The following PCSK5 variants were observed in gnomAD, a reference collection of about 807,000 sequenced individuals.
PCSK5 encodes proprotein convertase subtilisin/kexin type 5, also known as prohormone convertase 5.
PCSK5 carries 129 observed loss-of-function variants against 233.2 expected under a neutral mutation model. The ratio of observed to expected loss-of-function variants is 0.55; its 90% confidence interval spans 0.48 to 0.64. The LOEUF (loss-of-function observed/expected upper bound fraction) is 0.64, where lower values mean the gene tolerates loss of function less well. Among genes scored for constraint, PCSK5 ranks in the 30% least tolerant of loss-of-function variants. PCSK5 has a pLI of 0.00. For missense variants in PCSK5, 2,076 were observed against 2,430.1 expected (o/e 0.85, Z 3.06); for synonymous variants, 825 against 879.2 (o/e 0.94, Z 1.09).
chr9:76,040,857 CAT>C (rs1446981512), intron 5 of PCSK5, among the ~76,000 whole-genome samples: 5 of 152,126 alleles, frequency 3.3e-5, no homozygotes, highest in African/African-American at 1.2e-4. Context: ...CTAGTAGAAA[CAT>C]AGCAGTGTTT....
At chr9:76,157,832 TGA>T (rs1401342447) in intron 11 of PCSK5, among the ~76,000 whole-genome samples, 2 of 152,320 alleles carry the variant, frequency 1.3e-5, no homozygotes, top group East Asian at 1.9e-4. Flanking sequence ...TGGCAAAGAA[TGA>T]GAGAGAAAAA....
intron 1 of PCSK5, among the ~76,000 whole-genome samples, chr9:75,905,714 G>T: frequency 6.6e-6 from 1 of 152,196 alleles, no homozygotes; most frequent in East Asian, 1.9e-4. Context: ...GATCAGTGGG[G>T]CCGGTAGACT....
chr9:76,048,351 A>G (rs1829497192), intron 5 of PCSK5, among the ~76,000 whole-genome samples: 1 of 152,164 alleles, frequency 6.6e-6, no homozygotes, highest in African/African-American at 2.4e-5. Flanking sequence ...CTCACTTAGG[A>G]AACCTAATAA....
At chr9:76,287,211 C>T (rs73464506) in intron 24 of PCSK5, 2 of 217,242 alleles carry the variant, frequency 9.2e-6, no homozygotes, top group African/African-American at 4.6e-5. Flanking sequence ...GACCTGTAGG[C>T]TTCTCATGTC....
At chr9:76,060,662 C>T (rs1205206139) in intron 5 of PCSK5, among the ~76,000 whole-genome samples, 4 of 152,078 alleles carry the variant, frequency 2.6e-5, no homozygotes, top group Non-Finnish European at 5.9e-5. Flanking sequence ...TCATAAGAAG[C>T]TTGTACATGG....
chr9:75,960,627 A>G (rs371185700), intron 2 of PCSK5, among the ~76,000 whole-genome samples: 3 of 152,358 alleles, frequency 2.0e-5, no homozygotes, highest in East Asian at 3.9e-4. Flanking sequence ...CACTTTTTCT[A>G]TATCACAGGG....
At chr9:75,925,123 GAAGAAATCATT>G (rs1823426157) in intron 1 of PCSK5, among the ~76,000 whole-genome samples, 1 of 152,144 alleles carries the variant, frequency 6.6e-6, no homozygotes, top group Non-Finnish European at 1.5e-5. Flanking sequence ...TCAGTGATTT[GAAGAAATCATT>G]AACTGTGATG....
intron 29 of PCSK5, 50 bp downstream of exon 29, chr9:76,308,778 A>G: frequency 1.7e-6 from 2 of 1,177,978 alleles, no homozygotes; most frequent in Non-Finnish European, 2.5e-6. Context: ...CAAGTCATTG[A>G]AACTCATGTG....
intron 5 of PCSK5, among the ~76,000 whole-genome samples, 200 bp from the exon 6 acceptor site, chr9:76,067,755 A>G (rs1830335878): frequency 6.6e-6 from 1 of 152,234 alleles, no homozygotes; most frequent in Non-Finnish European, 1.5e-5. Flanking sequence ...TGAAAAATAA[A>G]TATGTCAAGA....
intron 14 of PCSK5, among the ~76,000 whole-genome samples, chr9:76,177,872 A>T (rs1479607471): frequency 6.6e-6 from 1 of 152,190 alleles, no homozygotes; most frequent in African/African-American, 2.4e-5. Flanking sequence ...GTTTAAGATG[A>T]TAAAAGAAAC....
At chr9:76,122,821 T>TA (rs1411335201) in intron 9 of PCSK5, among the ~76,000 whole-genome samples, 1 of 117,786 alleles carries the variant, frequency 8.5e-6, no homozygotes, top group Non-Finnish European at 1.8e-5. Context: ...TTTTTCTTTT[T>TA]TTTTTCTTTT....
At chr9:76,198,664 G>A (rs1288087240) in intron 20 of PCSK5, among the ~76,000 whole-genome samples, 1 of 152,098 alleles carries the variant, frequency 6.6e-6, no homozygotes, top group Admixed American at 6.5e-5. Flanking sequence ...GTGTGCCTGG[G>A]CTTGACTTTT....
intron 4 of PCSK5, among the ~76,000 whole-genome samples, chr9:76,025,563 A>G (rs1828387218): frequency 6.6e-6 from 1 of 152,044 alleles, no homozygotes; most frequent in Non-Finnish European, 1.5e-5. Context: ...TTGAGTCACC[A>G]TTTTACCCCG....
At chr9:76,043,301 G>A (rs534234297) in intron 5 of PCSK5, among the ~76,000 whole-genome samples, 313 of 134,936 alleles carry the variant, frequency 2.3e-3, no homozygotes, top group African/African-American at 8.2e-3. Flanking sequence ...GCACCACTGT[G>A]CTCCAGCCTG....
intron 1 of PCSK5, among the ~76,000 whole-genome samples, chr9:75,892,331 T>C (rs1338249634): frequency 6.6e-6 from 1 of 152,214 alleles, no homozygotes; most frequent in Non-Finnish European, 1.5e-5. Flanking sequence ...TCTGGTTCTC[T>C]TCCCCCGACA....
chr9:76,360,639 C>G lies in PCSK5; in HGVS notation c.*1717C>G, dbSNP rs1194576017. The G allele has an allele frequency of 3.3e-5, 5 of 152,146 alleles. No homozygotes were observed. The highest frequency in any genetic ancestry group is 7.3e-5 in the Non-Finnish European group (5 of 68,036). The allele number at this position is 152,146 out of a possible 1,614,324, so 9.4% of individuals were successfully genotyped here. The stretch of plus-strand genomic sequence containing the variant: ...GCTTGTGCTTCTTTAGAGGAAAGCT[C>G]TTAAAACAGGGTTGACAAACAGTCT... On this transcript the variant is annotated 3_prime_UTR_variant, in exon 38 of 38. Transcript: ENST00000674117.
intron 7 of PCSK5, among the ~76,000 whole-genome samples, chr9:76,083,480 G>A (rs1476521340): frequency 6.6e-6 from 1 of 152,184 alleles, no homozygotes; most frequent in Non-Finnish European, 1.5e-5. Context: ...GTCAAGGATG[G>A]TCAAGAAGAG....
intron 3 of PCSK5, among the ~76,000 whole-genome samples, chr9:76,004,255 G>GT (rs370211027): frequency 0.03 from 4,307 of 144,754 alleles, 63 homozygotes; most frequent in African/African-American, 0.046. Flanking sequence ...TTTCTTTGAT[G>GT]TTTTTTTTTT....
At chr9:75,982,773 G>A (rs1217273241) in intron 2 of PCSK5, among the ~76,000 whole-genome samples, 1 of 118,968 alleles carries the variant, frequency 8.4e-6, no homozygotes, top group Non-Finnish European at 1.7e-5. Context: ...TTTTGGCCAT[G>A]TCGTTCACAT....
Sources: allele counts gnomAD v4.1 joint callset (sites outside exome capture counted in the v4.1 genomes callset), GRCh38; gene constraint gnomAD v4.1.1; transcripts MANE v1.5; gene names NCBI Gene and HGNC (gene_info 2026-07-23, HGNC 2026-07-21).